ITGAM: variants seen among roughly 807,000 people sequenced by gnomAD.
ITGAM encodes integrin subunit alpha M.
Under a neutral mutation model 137.5 loss-of-function variants are expected in ITGAM, and 79 were observed. The ratio of observed to expected loss-of-function variants is 0.57; its 90% CI spans 0.48 to 0.69. The LOEUF (loss-of-function observed/expected upper bound fraction) is 0.69. Among genes scored for constraint, ITGAM ranks in the 30% least tolerant of loss-of-function variants. The probability of loss-of-function intolerance (pLI) is 0.00; values close to 1 mark genes in which losing one functional copy is unlikely to be tolerated. For missense variants in ITGAM, 1,343 were observed against 1,483.5 expected, an observed-to-expected ratio of 0.91 and a Z score of 1.56; for synonymous variants, 583 against 592.3, an observed-to-expected ratio of 0.98 and a Z score of 0.23.
At chr16:31,270,699 G>GTGTGTATATATA (rs1477833816) in intron 5 of ITGAM, among the ~76,000 whole-genome samples, 17 of 26,002 alleles carry the variant, frequency 6.5e-4, no homozygotes, top group African/African-American at 1.8e-3. Flanking sequence ...GTGTGTGTGT[G>GTGTGTATATATA]TATATATATA....
chr16:31,262,842 T>C (rs1190768874), intron 2 of ITGAM, among the ~76,000 whole-genome samples: 2 of 152,206 alleles, frequency 1.3e-5, no homozygotes, highest in Non-Finnish European at 2.9e-5. Context: ...AGGGGGCTGG[T>C]CTCTGCTCTT....
At chr16:31,262,200 C>A (rs190491918) in intron 2 of ITGAM, among the ~76,000 whole-genome samples, 13 of 152,292 alleles carry the variant, frequency 8.5e-5, no homozygotes, top group Admixed American at 6.5e-4. Flanking sequence ...ACAACTCCGT[C>A]CACTTGTCTC....
intron 14 of ITGAM, among the ~76,000 whole-genome samples, chr16:31,316,773 A>G (rs896292449): frequency 7.2e-5 from 11 of 152,130 alleles, no homozygotes; most frequent in African/African-American, 2.6e-4. Flanking sequence ...TTTTGTCTTA[A>G]CTTTCTTTCG....
chr16:31,266,583 C>T (rs1488092471), intron 5 of ITGAM, among the ~76,000 whole-genome samples: 16 of 151,340 alleles, frequency 1.1e-4, no homozygotes, highest in South Asian at 2.1e-4. Context: ...ATTAGCCAGG[C>T]GTGGTGGCAC....
At chr16:31,327,756 TG>T (rs1420670476) in intron 22 of ITGAM, among the ~76,000 whole-genome samples, 1 of 152,110 alleles carries the variant, frequency 6.6e-6, no homozygotes, top group African/African-American at 2.4e-5. Context: ...GGCCTCAGCA[TG>T]AAATGCAGGG....
intron 7 of ITGAM, among the ~76,000 whole-genome samples, chr16:31,272,624 C>T (rs2079864213): frequency 2.0e-5 from 3 of 148,702 alleles, no homozygotes; most frequent in African/African-American, 7.4e-5. Flanking sequence ...GCTGGGATTA[C>T]ATGCGTCCAT....
At chr16:31,300,312 T>C (rs1304843109) in intron 14 of ITGAM, among the ~76,000 whole-genome samples, 1 of 152,240 alleles carries the variant, frequency 6.6e-6, no homozygotes, top group Non-Finnish European at 1.5e-5. Flanking sequence ...GTGGGATTAT[T>C]AAATCATATG....
At chr16:31,266,191 CA>C (rs774292799) in intron 5 of ITGAM, 44 bp downstream of exon 5, 59 of 1,370,838 alleles carry the variant, frequency 4.3e-5, no homozygotes, top group Non-Finnish European at 5.7e-5. Context: ...AGCAAAAGAC[CA>C]GGGGAGGGGG....
intron 14 of ITGAM, among the ~76,000 whole-genome samples, chr16:31,314,211 T>G (rs959672839): frequency 6.6e-6 from 1 of 152,212 alleles, no homozygotes; most frequent in African/African-American, 2.4e-5. Flanking sequence ...TTTCTTTTGC[T>G]GTGCAGAAGC....
In ITGAM at chr16:31,324,800, G is replaced by A; in HGVS notation, c.2289+18G>A. On this transcript the variant is annotated intron_variant, in intron 18 of 29. Coordinates refer to ENST00000544665, the MANE Select transcript of ITGAM (RefSeq NM_000632.4). This position sits in a 1 kb window ranked among gnomAD's most constrained non-coding sequence, Gnocchi z 4.5. The stretch of plus-strand genomic sequence containing the variant: ...CAGCCTTGGTGAGTCCAGAGTTGGG[G>A]TCCTGCAGGGGTGTGGAAGAGACCA... The A allele has an allele frequency of 6.5e-7, 1 of 1,549,736 alleles. No homozygotes were observed. Among genetic ancestry groups the A allele is most frequent in the Non-Finnish European group, 8.7e-7 (1 of 1,150,936 alleles).
intron 14 of ITGAM, among the ~76,000 whole-genome samples, chr16:31,299,841 T>G (rs1424251381): frequency 8.9e-6 from 1 of 112,942 alleles, no homozygotes; most frequent in Non-Finnish European, 1.8e-5. Flanking sequence ...CTCGTCGTCC[T>G]CCTCTCCTCC....
chr16:31,323,258 C>G (rs554727819), intron 16 of ITGAM, among the ~76,000 whole-genome samples: 120 of 151,856 alleles, frequency 7.9e-4, no homozygotes, highest in African/African-American at 2.9e-3. Flanking sequence ...ATGGTGAAAC[C>G]CCATCTCTAC....
chr16:31,282,879 G>A (rs545670649), intron 12 of ITGAM, among the ~76,000 whole-genome samples: 129 of 152,230 alleles, frequency 8.5e-4, no homozygotes, highest in African/African-American at 2.9e-3. Flanking sequence ...TCCATGTTTA[G>A]TGCTTCCTTC....
intron 2 of ITGAM, among the ~76,000 whole-genome samples, chr16:31,263,531 C>T (rs1179139927): frequency 6.6e-6 from 1 of 152,098 alleles, no homozygotes; most frequent in Non-Finnish European, 1.5e-5. Flanking sequence ...AGTGTGCTAT[C>T]AAACTTACTG....
chr16:31,264,487 T>C (rs952111105), intron 2 of ITGAM, among the ~76,000 whole-genome samples: 7 of 151,906 alleles, frequency 4.6e-5, no homozygotes, highest in African/African-American at 1.7e-4. Flanking sequence ...ATAAATAAAA[T>C]GACTGTGTGG....
At chr16:31,321,163 G>A (rs2080445121) in intron 14 of ITGAM, 78 bp from the exon 15 acceptor site, 1 of 1,524,222 alleles carries the variant, frequency 6.6e-7, no homozygotes, top group African/African-American at 1.4e-5. Context: ...CTCTGTCTGG[G>A]CCATGCTGGA....
chr16:31,268,321 C>G (rs2079792453), intron 5 of ITGAM, among the ~76,000 whole-genome samples: 1 of 152,146 alleles, frequency 6.6e-6, no homozygotes, highest in South Asian at 2.1e-4. Context: ...AAGACTACTT[C>G]TTTAAAAAAG....
intron 14 of ITGAM, among the ~76,000 whole-genome samples, chr16:31,302,983 TCTTTCTTTCTTTC>T (rs1421253369): frequency 9.1e-4 from 118 of 129,570 alleles, no homozygotes; most frequent in Non-Finnish European, 1.4e-3. Flanking sequence ...TTTCTTTCTT[TCTTTCTTTCTTTC>T]TTTTTCTTTC....
At chr16:31,289,134 G>T (rs1244461035) in intron 12 of ITGAM, among the ~76,000 whole-genome samples, 1 of 152,092 alleles carries the variant, frequency 6.6e-6, no homozygotes, top group African/African-American at 2.4e-5. Context: ...TGGAGAAATA[G>T]GAACACTTTT....
Sources: allele counts gnomAD v4.1 joint callset (sites outside exome capture counted in the v4.1 genomes callset), GRCh38; gene constraint gnomAD v4.1.1; non-coding constraint Gnocchi (gnomAD v3.1); transcripts MANE v1.5; gene names NCBI Gene and HGNC (gene_info 2026-07-23, HGNC 2026-07-21).